SMARCC1: variants seen among roughly 807,000 people sequenced by gnomAD.
The protein encoded by SMARCC1 is SWI/SNF related BAF chromatin remodeling complex subunit C1, also known as SWI/SNF complex subunit SMARCC1.
A neutral mutation model predicts 147.4 loss-of-function variants in SMARCC1; 43 were observed. The observed-to-expected ratio is 0.29, with a 90% CI of 0.23 to 0.38. The LOEUF (loss-of-function observed/expected upper bound fraction) is 0.38. Among genes scored for constraint, SMARCC1 ranks in the 10% least tolerant of loss-of-function variants. The probability of loss-of-function intolerance (pLI) is 1.00; values close to 1 mark genes in which losing one functional copy is unlikely to be tolerated. For missense variants in SMARCC1, 1,119 were observed against 1,381.1 expected, an observed-to-expected ratio of 0.81 and a Z score of 3.01; for synonymous variants, 495 against 484.4, an observed-to-expected ratio of 1.02 and a Z score of -0.29.
intron 18 of SMARCC1, 131 bp downstream of exon 18, chr3:47,675,344 A>C: frequency 3.8e-6 from 2 of 522,634 alleles, no homozygotes; most frequent in East Asian, 6.5e-5. Flanking sequence ...GTCATATAGG[A>C]ATATAAAAGG....
intron 21 of SMARCC1, among the ~76,000 whole-genome samples, chr3:47,657,641 A>AAC (rs758512388): frequency 1.1e-4 from 16 of 151,818 alleles, no homozygotes; most frequent in South Asian, 2.1e-4. Context: ...TCTACTTAAA[A>AAC]ACACACACAC....
At chr3:47,604,392 C>A in intron 26 of SMARCC1, 1 of 421,678 alleles carries the variant, frequency 2.4e-6, no homozygotes, top group South Asian at 1.7e-5. Context: ...TAAAGTCGAG[C>A]CAAATACCAA....
At chr3:47,717,985 C>G (rs1243103598) in intron 7 of SMARCC1, among the ~76,000 whole-genome samples, 1 of 151,728 alleles carries the variant, frequency 6.6e-6, no homozygotes, top group Non-Finnish European at 1.5e-5. Context: ...GAGCACCCCC[C>G]CTGCCCCCGC....
Position 47,588,173 on chromosome 3 carries a change from T to C in SMARCC1, c.*36A>G, listed in dbSNP as rs1241155377. ...GTCTTGTCATCCCCACTCCAGCTCA[T>C]GGTGGTGGGCGTGGAGGTTCCCTGC... On this transcript the variant is annotated 3_prime_UTR_variant, in exon 28 of 28. Coordinates refer to ENST00000254480, the MANE Select transcript of SMARCC1 (RefSeq NM_003074.4). The C allele has an allele frequency of 3.4e-6, 5 of 1,477,326 alleles. No homozygotes were observed. Among genetic ancestry groups the C allele is most frequent in the South Asian group, 2.3e-5 (2 of 87,464 alleles). The allele number at this position is 1,477,326 out of a possible 1,614,324, so 91.5% of individuals were successfully genotyped here.
At chr3:47,745,405 C>A (rs13064183) in intron 3 of SMARCC1, among the ~76,000 whole-genome samples, 91,667 of 152,044 alleles carry the variant, frequency 0.6, 28,996 homozygotes, top group East Asian at 0.72. Flanking sequence ...TATAAGAAAT[C>A]ACTTCCCTAA....
chr3:47,594,437 T>A (rs2032236776), intron 26 of SMARCC1, among the ~76,000 whole-genome samples: 1 of 152,210 alleles, frequency 6.6e-6, no homozygotes, highest in South Asian at 2.1e-4. Flanking sequence ...CAACTGACCA[T>A]CATTAATTTT....
intron 11 of SMARCC1, among the ~76,000 whole-genome samples, chr3:47,699,668 G>A (rs2033894779): frequency 6.6e-6 from 1 of 151,628 alleles, no homozygotes; most frequent in Admixed American, 6.6e-5. Context: ...ATATATCTAT[G>A]TATATACATA....
At chr3:47,714,705 A>T (rs2034134584) in intron 7 of SMARCC1, among the ~76,000 whole-genome samples, 2 of 152,104 alleles carry the variant, frequency 1.3e-5, no homozygotes, top group Non-Finnish European at 2.9e-5. Flanking sequence ...GAGGTGGAAG[A>T]ATCGTTTGAA....
chr3:47,605,363 A>G (rs1291664342), intron 26 of SMARCC1, among the ~76,000 whole-genome samples: 2 of 152,270 alleles, frequency 1.3e-5, no homozygotes, highest in African/African-American at 4.8e-5. Context: ...AATGTCCAAC[A>G]GAACAGACTA....
At chr3:47,697,952 G>A (rs942731390) in intron 11 of SMARCC1, among the ~76,000 whole-genome samples, 1 of 125,216 alleles carries the variant, frequency 8.0e-6, no homozygotes, top group African/African-American at 3.0e-5. Context: ...AGCGTGCAGT[G>A]AGTCGAGATC....
intron 11 of SMARCC1, among the ~76,000 whole-genome samples, chr3:47,695,772 A>AAG (rs1204598116): frequency 1.3e-5 from 2 of 149,628 alleles, no homozygotes; most frequent in Non-Finnish European, 3.0e-5. Flanking sequence ...CAAAAAAAAA[A>AAG]AAAAAAAAAA....
At chr3:47,738,858 C>T (rs1440246521) in intron 3 of SMARCC1, among the ~76,000 whole-genome samples, 1 of 152,162 alleles carries the variant, frequency 6.6e-6, no homozygotes, top group East Asian at 1.9e-4. Flanking sequence ...CAGAGACTAT[C>T]CCTTAATCTG....
chr3:47,680,213 C>T (rs894960035), intron 15 of SMARCC1: 4 of 435,314 alleles, frequency 9.2e-6, no homozygotes, highest in African/African-American at 8.5e-5. Context: ...CAGAGTGAGA[C>T]CCTGTCTCAA....
At position 47,738,195 on chromosome 3, in the gene SMARCC1, G is replaced by A. The variant is rs1203967756; in HGVS notation, c.402-85C>T. Reference sequence around the variant, plus strand: ...TGGTTTTAGAATTCGATGCAAATGAGTTAGAAAGATTTGAAAATTAAAATA... The same window carrying A: ...TGGTTTTAGAATTCGATGCAAATGAATTAGAAAGATTTGAAAATTAAAATA... On this transcript the variant is annotated intron_variant, in intron 3 of 27. Coordinates refer to ENST00000254480, the MANE Select transcript of SMARCC1 (RefSeq NM_003074.4). The A allele has an allele frequency of 3.7e-6, 3 of 800,760 alleles. No homozygotes were observed. The African/African-American group carries it at 5.3e-5, about 14-fold the overall frequency. The allele number at this position is 800,760 out of a possible 1,614,324, so 49.6% of individuals were successfully genotyped here.
At chr3:47,653,130 T>C (rs558564156) in intron 21 of SMARCC1, among the ~76,000 whole-genome samples, 2 of 152,210 alleles carry the variant, frequency 1.3e-5, no homozygotes, top group African/African-American at 2.4e-5. Context: ...GCTAATTTTT[T>C]GTATTTTTAG....
chr3:47,743,522 A>G (rs2034532601), intron 3 of SMARCC1, among the ~76,000 whole-genome samples: 1 of 151,956 alleles, frequency 6.6e-6, no homozygotes, highest in South Asian at 2.1e-4. Flanking sequence ...AGATAAAAAT[A>G]TTTCACTGTG....
At chr3:47,744,877 C>T (rs2034549503) in intron 3 of SMARCC1, among the ~76,000 whole-genome samples, 2 of 152,190 alleles carry the variant, frequency 1.3e-5, no homozygotes, top group Non-Finnish European at 2.9e-5. Flanking sequence ...AATCTATCTA[C>T]AACACTGACC....
At chr3:47,694,833 C>A (rs917145535) in intron 11 of SMARCC1, among the ~76,000 whole-genome samples, 1 of 152,180 alleles carries the variant, frequency 6.6e-6, no homozygotes, top group Non-Finnish European at 1.5e-5. Context: ...TTATTTCTAA[C>A]AAATTACCAA....
intron 6 of SMARCC1, among the ~76,000 whole-genome samples, chr3:47,727,338 C>T (rs2034311551): frequency 6.6e-6 from 1 of 151,550 alleles, no homozygotes. Context: ...GAAACCCCAT[C>T]TCTACTAAAA....
Sources: gnomAD v4.1 joint callset for allele counts (sites outside exome capture counted in the v4.1 genomes callset) on GRCh38, gnomAD v4.1.1 for gene constraint, MANE v1.5 for transcripts, NCBI Gene and HGNC (gene_info 2026-07-23, HGNC 2026-07-21) for gene names.